Variants in HSD17B4 observed in about 807,000 individuals in gnomAD.
The protein encoded by HSD17B4 is hydroxysteroid 17-beta dehydrogenase 4.
Under a neutral mutation model 101.0 loss-of-function variants are expected in HSD17B4, and 70 were observed. The ratio of observed to expected loss-of-function variants is 0.69; its 90% CI spans 0.57 to 0.85. The LOEUF (loss-of-function observed/expected upper bound fraction) is 0.85, where lower values mean the gene tolerates loss of function less well. Among genes scored for constraint, HSD17B4 ranks in the 40% least tolerant of loss-of-function variants. The pLI is 0.00. For missense variants in HSD17B4, 984 were observed against 892.4 expected, an observed-to-expected ratio of 1.10 and a Z score of -1.31; for synonymous variants, 347 against 297.1, an observed-to-expected ratio of 1.17 and a Z score of -1.73.
chr5:119,494,320 CT>C (rs879743158), intron 11 of HSD17B4, among the ~76,000 whole-genome samples: 1 of 148,298 alleles, frequency 6.7e-6, no homozygotes, highest in African/African-American at 2.5e-5. Flanking sequence ...TCCTTTCTTT[CT>C]TTCTTTTCTT....
At chr5:119,482,719 T>C (rs1749250875) in intron 8 of HSD17B4, among the ~76,000 whole-genome samples, 1 of 152,114 alleles carries the variant, frequency 6.6e-6, no homozygotes, top group Non-Finnish European at 1.5e-5. Context: ...TTAGAAACTC[T>C]TTGTTAAGTA....
chr5:119,532,845 A>C (rs1005179839), intron 22 of HSD17B4, among the ~76,000 whole-genome samples: 1 of 152,094 alleles, frequency 6.6e-6, no homozygotes, highest in Non-Finnish European at 1.5e-5. Context: ...CCAGAAACCA[A>C]AAAGCTCTAA....
chr5:119,468,401 G>A (rs1580530956), intron 2 of HSD17B4, among the ~76,000 whole-genome samples: 1 of 150,428 alleles, frequency 6.6e-6, no homozygotes, highest in East Asian at 2.0e-4. Flanking sequence ...TGGCTGGCAG[G>A]TTTTTGTTTT....
At chr5:119,540,904 A>G (rs773660649) in intron 23 of HSD17B4, among the ~76,000 whole-genome samples, 5 of 152,148 alleles carry the variant, frequency 3.3e-5, no homozygotes, top group Non-Finnish European at 5.9e-5. Flanking sequence ...CAACTGGGGT[A>G]AGAACTGCTG....
rs776519991 is a variant in HSD17B4 at position 119,531,382 on chromosome 5, C to G, written c.1971C>G (p.Gly657=). Residue 657 remains glycine (G), a synonymous_variant, in exon 22 of 24, where the codon GGC becomes GGG. Coordinates refer to ENST00000510025, the MANE Select transcript of HSD17B4 (RefSeq NM_000414.4). The stretch of plus-strand genomic sequence containing the variant: ...TATTTGAGTGGCATATAACCAAAGG[C>G]GGAAATATTGGGGCTAAGTGGAGTA... ...NAVFEWHITK[G]GNIGAKWTID... The G allele has an allele frequency of 1.9e-6, 3 of 1,613,180 alleles. No individual in the cohort carries two copies. The highest frequency in any genetic ancestry group is 1.7e-5 in the Admixed American group (1 of 59,912).
intron 22 of HSD17B4, chr5:119,535,663 A>G (rs1309443339): frequency 1.5e-5 from 2 of 130,250 alleles, no homozygotes; most frequent in African/African-American, 5.5e-5. Flanking sequence ...TATTACTAAT[A>G]TATATTTTAT....
intron 13 of HSD17B4, 130 bp from the exon 14 acceptor site, chr5:119,501,911 A>C: frequency 7.5e-6 from 5 of 670,752 alleles, no homozygotes; most frequent in Non-Finnish European, 2.7e-6. Context: ...GAAGCCAAAC[A>C]GAGATAGATA....
chr5:119,490,009 A>G lies in HSD17B4; in HGVS notation c.714+726A>G, dbSNP rs192869934. 2.0e-5 allele frequency among the ~76,000 whole-genome samples: 3 copies of G among 148,574 alleles called. No individual in the cohort carries two copies. In the East Asian group the frequency reaches 6.2e-4, roughly 31 times the overall value. On this transcript the variant is annotated intron_variant, in intron 9 of 23. Coordinates refer to ENST00000510025, the MANE Select transcript of HSD17B4 (RefSeq NM_000414.4). ...GTTTGATCTCTTTTTTCTAGCCTAA[A>G]CTGTTGTATATTAGACCCCCCCCCA... is the stretch of plus-strand genomic sequence containing the variant.
At chr5:119,531,060 T>C (rs191073478) in intron 21 of HSD17B4, among the ~76,000 whole-genome samples, 5 of 152,190 alleles carry the variant, frequency 3.3e-5, no homozygotes, top group Admixed American at 3.3e-4. Context: ...TTCTGAATTC[T>C]AATAAAAGTA....
At chr5:119,492,753 A>C (rs2126754252) in intron 10 of HSD17B4, 1 of 152,142 alleles carries the variant, frequency 6.6e-6, no homozygotes, top group African/African-American at 2.4e-5. Context: ...TTAAATAGTA[A>C]ATTTACTTGG....
intron 14 of HSD17B4, 31 bp from the exon 15 acceptor site, chr5:119,506,787 G>T: frequency 8.0e-7 from 1 of 1,242,382 alleles, no homozygotes; most frequent in South Asian, 1.2e-5. Context: ...TGGTTTTTAA[G>T]ACACTGTATT....
At chr5:119,452,842 G>C (rs559602540) in intron 1 of HSD17B4, 1 of 1,535,684 alleles carries the variant, frequency 6.5e-7, no homozygotes, top group South Asian at 1.2e-5. Context: ...CTTCTCCCCA[G>C]CACCCCGGTG....
chr5:119,522,965 C>G (rs529008390), intron 17 of HSD17B4, among the ~76,000 whole-genome samples: 74 of 152,276 alleles, frequency 4.9e-4, no homozygotes, highest in African/African-American at 1.7e-3. Context: ...TTTGCACCCC[C>G]CAAGCCCTGC....
intron 16 of HSD17B4, among the ~76,000 whole-genome samples, chr5:119,511,147 T>C (rs1752133830): frequency 6.6e-6 from 1 of 152,228 alleles, no homozygotes; most frequent in Non-Finnish European, 1.5e-5. Flanking sequence ...TCACTACTCC[T>C]GCAGAAATTC....
chr5:119,489,883 C>G (rs190064208), intron 9 of HSD17B4, among the ~76,000 whole-genome samples: 2 of 152,148 alleles, frequency 1.3e-5, no homozygotes, highest in Non-Finnish European at 2.9e-5. Context: ...TAATTATCCA[C>G]ACATAATCCC....
chr5:119,496,861 C>G (rs1444398002), intron 12 of HSD17B4, among the ~76,000 whole-genome samples: 1 of 152,182 alleles, frequency 6.6e-6, no homozygotes, highest in Non-Finnish European at 1.5e-5. Context: ...TAACATACAG[C>G]CTGATTTCAA....
chr5:119,521,956 C>CT (rs1444701100), intron 17 of HSD17B4, among the ~76,000 whole-genome samples: 1 of 149,992 alleles, frequency 6.7e-6, no homozygotes, highest in Non-Finnish European at 1.5e-5. Flanking sequence ...TTTTATTATA[C>CT]TTTAAGTTCT....
intron 16 of HSD17B4, 50 bp downstream of exon 16, chr5:119,509,294 C>A (rs1198117157): frequency 7.3e-6 from 8 of 1,090,592 alleles, no homozygotes; most frequent in Admixed American, 3.4e-5. Flanking sequence ...AGGATTCTTA[C>A]CTATACAATT....
chr5:119,505,922 T>C lies in HSD17B4; in HGVS notation c.1262-896T>C, dbSNP rs564454808. Among the ~76,000 whole-genome samples the C allele has an allele frequency of 6.6e-5, 10 of 152,316 alleles. No individual in the cohort carries two copies. The South Asian group carries it at 2.1e-3, about 32-fold the overall frequency. On this transcript the variant is annotated intron_variant, in intron 14 of 23. Transcript: ENST00000510025. ...TTGCCAATGGTTATTTAAAAAAATC[T>C]AATGTATCAAATATTGATGTTTGAA... is the stretch of plus-strand genomic sequence containing the variant.
Sources: gnomAD v4.1 joint callset for allele counts (sites outside exome capture counted in the v4.1 genomes callset) on GRCh38, gnomAD v4.1.1 for gene constraint, MANE v1.5 for transcripts, NCBI Gene and HGNC (gene_info 2026-07-23, HGNC 2026-07-21) for gene names.